Variants in ZNF804B observed in about 807,000 individuals in gnomAD.
ZNF804B encodes zinc finger protein 804B.
In ZNF804B, 80 loss-of-function variants were observed where a neutral mutation model predicts 101.4. The observed-to-expected ratio is 0.79, with a 90% confidence interval of 0.66 to 0.95. The LOEUF (loss-of-function observed/expected upper bound fraction) is 0.95. Among genes scored for constraint, ZNF804B ranks in the 40% least tolerant of loss-of-function variants. The probability of loss-of-function intolerance (pLI) is 0.00; values close to 1 mark genes in which losing one functional copy is unlikely to be tolerated. For missense variants in ZNF804B, 1,673 were observed against 1,561.9 expected (o/e 1.07, Z -1.20); for synonymous variants, 622 against 558.8 (o/e 1.11, Z -1.59).
At chr7:88,773,101 T>C (rs1038744421) in intron 1 of ZNF804B, among the ~76,000 whole-genome samples, 2 of 152,232 alleles carry the variant, frequency 1.3e-5, no homozygotes, top group Admixed American at 6.5e-5. Flanking sequence ...ACACTGCCAA[T>C]TAATTCCACC....
At chr7:89,170,860 G>A (rs776047081) in intron 1 of ZNF804B, among the ~76,000 whole-genome samples, 3 of 152,100 alleles carry the variant, frequency 2.0e-5, no homozygotes, top group African/African-American at 4.8e-5. Context: ...TTCACACTTC[G>A]CAGATGGGTT....
chr7:88,831,264 T>G (rs1791127847), intron 1 of ZNF804B, among the ~76,000 whole-genome samples: 1 of 151,932 alleles, frequency 6.6e-6, no homozygotes, highest in South Asian at 2.1e-4. Flanking sequence ...CAACCTACTT[T>G]CTATTGCTAA....
chr7:89,139,648 A>T (rs748566043), intron 1 of ZNF804B, among the ~76,000 whole-genome samples: 1 of 152,040 alleles, frequency 6.6e-6, no homozygotes, highest in Admixed American at 6.6e-5. Context: ...GCTCATCCAT[A>T]AAAAAACACT....
chr7:88,946,525 G>A (rs1361304953), intron 1 of ZNF804B, among the ~76,000 whole-genome samples: 1 of 146,770 alleles, frequency 6.8e-6, no homozygotes, highest in African/African-American at 2.5e-5. Flanking sequence ...TTGCGTCGAT[G>A]TTCATCAGGG....
At chr7:89,169,771 A>C (rs888037381) in intron 1 of ZNF804B, among the ~76,000 whole-genome samples, 7 of 152,240 alleles carry the variant, frequency 4.6e-5, no homozygotes, top group Non-Finnish European at 1.0e-4. Flanking sequence ...AGAAGTAACA[A>C]GTATAACTGC....
chr7:89,218,283 T>C lies in ZNF804B; in HGVS notation c.237T>C (p.His79=), dbSNP rs1584061993. 8.7e-6 allele frequency: 14 copies of C among 1,613,572 alleles called. No individual in the cohort carries two copies. In the East Asian group the frequency reaches 2.9e-4, roughly 33 times the overall value. The part of the protein sequence containing the change: ...EFDNHINSYD[H]AHKQRLKELK... ...ACAATCATATTAATTCTTATGACCA[T>C]GCTCATAAGCAGGTAAGGCAAAGTG... The change falls in exon 2 of 4, where the codon CAT becomes CAC. Residue 79 remains histidine, a synonymous_variant. Coordinates refer to ENST00000333190, the MANE Select transcript of ZNF804B (RefSeq NM_181646.5).
intron 1 of ZNF804B, among the ~76,000 whole-genome samples, chr7:89,149,995 G>A (rs1342695670): frequency 6.6e-6 from 1 of 151,964 alleles, no homozygotes; most frequent in African/African-American, 2.4e-5. Context: ...CACTATCCAT[G>A]GTTTCAGTTA....
intron 2 of ZNF804B, among the ~76,000 whole-genome samples, chr7:89,235,069 A>G (rs971771059): frequency 2.0e-5 from 3 of 152,066 alleles, no homozygotes; most frequent in Non-Finnish European, 4.4e-5. Context: ...GTAAAAATAT[A>G]TTTTTTATTT....
chr7:89,197,603 A>G (rs1788575224), intron 1 of ZNF804B, among the ~76,000 whole-genome samples: 1 of 151,932 alleles, frequency 6.6e-6, no homozygotes, highest in Admixed American at 6.6e-5. Context: ...AAATAAAAAG[A>G]GAAGCACTTT....
intron 1 of ZNF804B, among the ~76,000 whole-genome samples, chr7:89,139,005 A>G (rs1161320762): frequency 6.6e-6 from 1 of 152,000 alleles, no homozygotes; most frequent in Non-Finnish European, 1.5e-5. Flanking sequence ...GTGTGTCTAT[A>G]TGTGTGCACG....
chr7:89,115,062 C>T (rs2116357752), intron 1 of ZNF804B, among the ~76,000 whole-genome samples: 1 of 152,112 alleles, frequency 6.6e-6, no homozygotes, highest in East Asian at 1.9e-4. Context: ...ATGTGGAAAA[C>T]ATAGTTAACA....
chr7:88,918,786 A>G (rs767318115), intron 1 of ZNF804B, among the ~76,000 whole-genome samples: 4 of 152,118 alleles, frequency 2.6e-5, no homozygotes, highest in Non-Finnish European at 5.9e-5. Flanking sequence ...GGGGGACGAT[A>G]GATTCTTCCT....
At chr7:88,877,047 ATATTTTTTTTTTTT>A (rs1162325689) in intron 1 of ZNF804B, among the ~76,000 whole-genome samples, 4 of 28,764 alleles carry the variant, frequency 1.4e-4, no homozygotes, top group Non-Finnish European at 2.2e-4. Flanking sequence ...ATATATATAT[ATATTTTTTTTTTTT>A]TTTTTTTTTT....
chr7:88,901,243 T>C (rs1562827079), intron 1 of ZNF804B, among the ~76,000 whole-genome samples: 1 of 151,888 alleles, frequency 6.6e-6, no homozygotes, highest in Non-Finnish European at 1.5e-5. Flanking sequence ...AAAGTGAGCA[T>C]GTAGGACATT....
Position 88,813,019 on chromosome 7 carries a change from A to G in ZNF804B, c.108+52935A>G, listed in dbSNP as rs1289522727. ...GAACTGTAAACTTAAAAATAATTAA[A>G]ATGGTAAATTTTATGTTAGGTGGTT... On this transcript the variant is annotated intron_variant, in intron 1 of 3. Coordinates refer to ENST00000333190, the MANE Select transcript of ZNF804B (RefSeq NM_181646.5). Among the ~76,000 whole-genome samples the G allele has an allele frequency of 2.6e-5, 4 of 152,182 alleles. No individual in the cohort carries two copies. In the South Asian group the frequency reaches 6.2e-4, roughly 24 times the overall value.
intron 1 of ZNF804B, among the ~76,000 whole-genome samples, chr7:89,048,541 A>G (rs1789149527): frequency 6.6e-6 from 1 of 151,796 alleles, no homozygotes; most frequent in African/African-American, 2.4e-5. Flanking sequence ...TTTATTTATC[A>G]ATATTATGAT....
chr7:88,819,241 A>G (rs1790935223), intron 1 of ZNF804B, among the ~76,000 whole-genome samples: 1 of 152,052 alleles, frequency 6.6e-6, no homozygotes, highest in Non-Finnish European at 1.5e-5. Context: ...CTCCTGCCTC[A>G]GCCTCTTGAG....
At chr7:88,891,093 G>T (rs1161051580) in intron 1 of ZNF804B, among the ~76,000 whole-genome samples, 1 of 152,062 alleles carries the variant, frequency 6.6e-6, no homozygotes, top group Non-Finnish European at 1.5e-5. Flanking sequence ...ACACAACAGT[G>T]CATGACATGT....
At chr7:88,857,817 C>CATTTCTTTT (rs1791590339) in intron 1 of ZNF804B, among the ~76,000 whole-genome samples, 1 of 74,300 alleles carries the variant, frequency 1.3e-5, no homozygotes, top group Non-Finnish European at 2.7e-5. Context: ...CCTTTCCTTT[C>CATTTCTTTT]TTTTCTTTTT....
Sources: allele counts gnomAD v4.1 joint callset (sites outside exome capture counted in the v4.1 genomes callset), GRCh38; gene constraint gnomAD v4.1.1; transcripts MANE v1.5; gene names NCBI Gene and HGNC (gene_info 2026-07-23, HGNC 2026-07-21).